Variants in SYT14 observed in about 807,000 individuals in gnomAD.
The protein encoded by SYT14 is synaptotagmin-14.
In SYT14, 32 loss-of-function variants were observed where a neutral mutation model predicts 74.2. The observed-to-expected ratio is 0.43, with a 90% confidence interval of 0.33 to 0.58. The LOEUF is 0.58. Ranked by LOEUF, SYT14 falls within the 20% of genes least tolerant of loss-of-function variation. The pLI is 0.05. For missense variants in SYT14, 791 were observed against 981.8 expected (o/e 0.81, Z 2.60); for synonymous variants, 298 against 337.7 (o/e 0.88, Z 1.29).
intron 7 of SYT14, among the ~76,000 whole-genome samples, chr1:210,113,904 C>T (rs1048597105): frequency 6.6e-6 from 1 of 151,254 alleles, no homozygotes; most frequent in African/African-American, 2.5e-5. Context: ...CATCAATACC[C>T]ACAACAGTTA....
intron 7 of SYT14, among the ~76,000 whole-genome samples, chr1:210,124,092 C>G (rs2082519328): frequency 6.6e-6 from 1 of 152,100 alleles, no homozygotes. Flanking sequence ...CCAGCACTGC[C>G]TATTTGTTTT....
intron 2 of SYT14, among the ~76,000 whole-genome samples, chr1:210,000,882 G>A (rs1214339003): frequency 6.6e-6 from 1 of 151,714 alleles, no homozygotes; most frequent in Non-Finnish European, 1.5e-5. Context: ...CAAAGTGCTG[G>A]GATGCCTTCT....
At chr1:210,143,149 A>G (rs981118730) in intron 7 of SYT14, among the ~76,000 whole-genome samples, 1 of 152,174 alleles carries the variant, frequency 6.6e-6, no homozygotes, top group African/African-American at 2.4e-5. Flanking sequence ...TCACCAGTGT[A>G]TATCTGGTTG....
chr1:210,081,056 T>C (rs550608549), intron 5 of SYT14, among the ~76,000 whole-genome samples: 2 of 152,232 alleles, frequency 1.3e-5, no homozygotes, highest in South Asian at 2.1e-4. Flanking sequence ...TAAAAGACCA[T>C]AGCGCATTGA....
intron 2 of SYT14, among the ~76,000 whole-genome samples, chr1:209,993,744 T>C (rs2079735743): frequency 6.6e-6 from 1 of 151,976 alleles, no homozygotes; most frequent in Non-Finnish European, 1.5e-5. Flanking sequence ...GGTGAGGCCA[T>C]CTCTTCTCCT....
chr1:209,938,307 GACCGGGACC>G, intron 1 of SYT14, 30 bp downstream of exon 1: 1 of 1,547,522 alleles, frequency 6.5e-7, no homozygotes, highest in Non-Finnish European at 8.8e-7. Flanking sequence ...GGGGAGCGAG[GACCGGGACC>G]ACCCAGCTGG....
chr1:210,166,626 G>A (rs1220170783), exon 10 of SYT14: 1 of 152,088 alleles, frequency 6.6e-6, no homozygotes, highest in Non-Finnish European at 1.5e-5. Flanking sequence ...GGAAGGAGGA[G>A]ACGGGAAAGA....
intron 5 of SYT14, among the ~76,000 whole-genome samples, chr1:210,086,135 C>A (rs2081724111): frequency 6.6e-6 from 1 of 152,036 alleles, no homozygotes; most frequent in Non-Finnish European, 1.5e-5. Flanking sequence ...ATAGAGGTAT[C>A]CTATCTGTTT....
At chr1:210,136,763 C>T (rs1028981125) in intron 7 of SYT14, among the ~76,000 whole-genome samples, 2 of 151,902 alleles carry the variant, frequency 1.3e-5, no homozygotes, top group Admixed American at 6.6e-5. Context: ...CTGGTGGTGC[C>T]GAGGCCCAAT....
intron 7 of SYT14, among the ~76,000 whole-genome samples, chr1:210,147,634 A>C (rs964480909): frequency 1.4e-4 from 22 of 152,226 alleles, no homozygotes; most frequent in Non-Finnish European, 3.1e-4. Context: ...TGAAAAACAG[A>C]TATAAATTTT....
At chr1:210,147,953 A>T (rs2083075029) in intron 7 of SYT14, among the ~76,000 whole-genome samples, 1 of 152,124 alleles carries the variant, frequency 6.6e-6, no homozygotes, top group Non-Finnish European at 1.5e-5. Context: ...TGTTGTGTTC[A>T]GGGAGTAGCA....
intron 7 of SYT14, among the ~76,000 whole-genome samples, chr1:210,112,044 C>T (rs908714783): frequency 2.0e-5 from 3 of 151,124 alleles, no homozygotes; most frequent in Non-Finnish European, 2.9e-5. Context: ...AAGGCCGGTC[C>T]GTTATCAGAC....
intron 7 of SYT14, among the ~76,000 whole-genome samples, chr1:210,128,189 A>T (rs1181959158): frequency 1.3e-5 from 2 of 152,264 alleles, no homozygotes; most frequent in South Asian, 4.1e-4. Context: ...CCTGGACAAC[A>T]CAGGGAGACC....
intron 5 of SYT14, among the ~76,000 whole-genome samples, chr1:210,081,059 C>T (rs140112470): frequency 2.6e-4 from 39 of 152,206 alleles, no homozygotes; most frequent in African/African-American, 8.4e-4. Flanking sequence ...AAGACCATAG[C>T]GCATTGAGGA....
chr1:209,941,215 T>C (rs2078724935), intron 1 of SYT14, among the ~76,000 whole-genome samples: 1 of 152,158 alleles, frequency 6.6e-6, no homozygotes, highest in Admixed American at 6.5e-5. Context: ...TTTCCTCCTT[T>C]TATCAGTCAG....
chr1:209,986,483 G>A (rs1410588097), intron 2 of SYT14, among the ~76,000 whole-genome samples: 3 of 151,826 alleles, frequency 2.0e-5, no homozygotes, highest in Non-Finnish European at 2.9e-5. Flanking sequence ...CGAGGTGGCG[G>A]GCGCCTATAG....
At chr1:210,113,974 T>C (rs2082311116) in intron 7 of SYT14, among the ~76,000 whole-genome samples, 1 of 151,168 alleles carries the variant, frequency 6.6e-6, no homozygotes, top group African/African-American at 2.5e-5. Context: ...AGCCTCCACA[T>C]TGATTAAGAA....
chr1:209,975,665 CTT>C (rs998596734), intron 2 of SYT14, among the ~76,000 whole-genome samples: 6 of 152,056 alleles, frequency 3.9e-5, no homozygotes, highest in African/African-American at 1.4e-4. Flanking sequence ...CTAAAATTCT[CTT>C]TTTTGGTTGT....
chr1:210,162,696 T>C (rs1025354986), exon 10 of SYT14: 1 of 450,412 alleles, frequency 2.2e-6, no homozygotes, highest in African/African-American at 2.0e-5. Flanking sequence ...AAACAATGCG[T>C]AGATATTACT....
Sources: allele counts gnomAD v4.1 joint callset (sites outside exome capture counted in the v4.1 genomes callset), GRCh38; gene constraint gnomAD v4.1.1; transcripts MANE v1.5; gene names NCBI Gene and HGNC (gene_info 2026-07-23, HGNC 2026-07-21).